The following DOCK9 variants were observed in gnomAD, a reference collection of about 807,000 sequenced individuals.
DOCK9 encodes dedicator of cytokinesis 9.
Under a neutral mutation model 263.3 loss-of-function variants are expected in DOCK9, and 89 were observed. The observed-to-expected ratio is 0.34, with a 90% CI of 0.28 to 0.40. The LOEUF (loss-of-function observed/expected upper bound fraction) is 0.40. DOCK9 is among the 10% of genes least tolerant of loss of function. DOCK9 has a pLI of 1.00. For synonymous variants in DOCK9, 976 were observed against 973.1 expected, an observed-to-expected ratio of 1.00 and a Z score of -0.06; for missense variants, 2,140 against 2,603.4, an observed-to-expected ratio of 0.82 and a Z score of 3.87.
intron 3 of DOCK9, 117 bp downstream of exon 3, chr13:98,930,051 T>C: frequency 1.1e-6 from 1 of 893,012 alleles, no homozygotes; most frequent in South Asian, 1.6e-5. Context: ...TGAACTTCCA[T>C]CATAGAAATA....
intron 15 of DOCK9, among the ~76,000 whole-genome samples, chr13:98,894,957 CAAAAAAA>C (rs71114557): frequency 3.8e-4 from 28 of 73,386 alleles, no homozygotes; most frequent in East Asian, 1.0e-3. Context: ...TACTAAAATA[CAAAAAAA>C]AAAAAAAAAA....
At position 98,884,982 on chromosome 13, in the gene DOCK9, C is replaced by T; in HGVS notation, c.2371G>A (p.Gly791Arg). The T allele has an allele frequency of 1.2e-6, 2 of 1,613,456 alleles. No individual in the cohort carries two copies. Among genetic ancestry groups the T allele is most frequent in the Non-Finnish European group, 1.7e-6 (2 of 1,179,676 alleles). ...PSGYLGYQELGMGRHYGPEIK... is the reference protein window; with the variant it reads ...PSGYLGYQELRMGRHYGPEIK... ...AAAATGGGACATACCCTGCCCATCCCAAGCTCCTGGTAGCCAAGATAGCCC... is the reference window on the plus strand; with the variant it reads ...AAAATGGGACATACCCTGCCCATCCTAAGCTCCTGGTAGCCAAGATAGCCC... Residue 791 changes from glycine (G) to arginine (R), a missense_variant, in exon 21 of 53, where the codon GGG (glycine) becomes AGG (arginine). By Grantham distance (125) the Gly-to-Arg change is moderately radical (BLOSUM62 -2). This residue lies in a region of DOCK9 where 1,521 missense variants were observed against 1,741.7 expected (regional missense o/e 0.87). Coordinates refer to ENST00000682017, the MANE Select transcript of DOCK9 (RefSeq NM_001366683.2).
intron 1 of DOCK9, among the ~76,000 whole-genome samples, chr13:98,997,290 A>C (rs1273265421): frequency 6.6e-6 from 1 of 152,248 alleles, no homozygotes; most frequent in African/African-American, 2.4e-5. Flanking sequence ...CTGGTTATTC[A>C]GGCAGGGTTC....
intron 1 of DOCK9, among the ~76,000 whole-genome samples, chr13:98,984,935 A>G (rs909202740): frequency 1.3e-5 from 2 of 152,200 alleles, no homozygotes; most frequent in African/African-American, 4.8e-5. Flanking sequence ...GAAAAACACA[A>G]AGACAAAAAA....
At chr13:98,843,715 T>C (rs563801582) in intron 38 of DOCK9, among the ~76,000 whole-genome samples, 4 of 152,146 alleles carry the variant, frequency 2.6e-5, no homozygotes, top group East Asian at 1.9e-4. Context: ...AGGGCTCTTG[T>C]GGGTAGCAGG....
At chr13:98,880,461 A>C in intron 26 of DOCK9, 86 bp downstream of exon 26, 1 of 1,563,168 alleles carries the variant, frequency 6.4e-7, no homozygotes, top group Non-Finnish European at 8.7e-7. Flanking sequence ...CTCTAAGAGC[A>C]CTCAGAAAGG....
chr13:98,864,091 T>C (rs1343258518), intron 30 of DOCK9, among the ~76,000 whole-genome samples: 1 of 152,236 alleles, frequency 6.6e-6, no homozygotes, highest in East Asian at 1.9e-4. Flanking sequence ...AACAAATTAA[T>C]ATATAACCTA....
rs1447698901 is a variant in DOCK9, at chr13:98,797,121, A to C, written c.6150T>G (p.His2050Gln). The C allele has an allele frequency of 6.2e-7, 1 of 1,614,030 alleles. No homozygotes were observed. Among genetic ancestry groups the C allele is most frequent in the South Asian group, 1.1e-5 (1 of 91,074 alleles). The change falls in exon 52 of 53, where the codon CAT becomes CAG. Residue 2050 changes from histidine (H) to glutamine (Q), a missense_variant. By Grantham distance (24) the His-to-Gln change is conservative. Around this residue, in one of 2 missense-constraint regions of DOCK9, gnomAD observed 619 missense variants for 861.8 expected, o/e 0.72. Coordinates refer to ENST00000682017, the MANE Select transcript of DOCK9 (RefSeq NM_001366683.2). ...EMAKELSEIM[H>Q]EQICPLEEKT... ...GAGCCAGTGCGGCCCTCACCTGCTC[A>C]TGCATGATTTCAGAAAGCTCCTTCG...
At chr13:98,958,915 A>G (rs2058354818) in intron 1 of DOCK9, among the ~76,000 whole-genome samples, 1 of 152,258 alleles carries the variant, frequency 6.6e-6, no homozygotes, top group Non-Finnish European at 1.5e-5. Flanking sequence ...GGCACCAAAT[A>G]ATACTTTAAT....
intron 1 of DOCK9, among the ~76,000 whole-genome samples, chr13:99,043,065 A>G (rs1319690797): frequency 1.3e-5 from 2 of 152,044 alleles, no homozygotes; most frequent in African/African-American, 4.8e-5. Flanking sequence ...ACCTAGACAC[A>G]GTCCCTTCTG....
intron 4 of DOCK9, among the ~76,000 whole-genome samples, chr13:98,924,467 C>T (rs2052596156): frequency 6.6e-6 from 1 of 152,182 alleles, no homozygotes; most frequent in Non-Finnish European, 1.5e-5. Context: ...TTTCAATTTT[C>T]CCAAAATCAA....
chr13:99,005,479 AAAAAGG>A (rs558708212), intron 1 of DOCK9, among the ~76,000 whole-genome samples: 29 of 152,304 alleles, frequency 1.9e-4, no homozygotes, highest in African/African-American at 6.7e-4. Context: ...GGAGTAGGGG[AAAAAGG>A]AAAAGGCCTT....
intron 1 of DOCK9, among the ~76,000 whole-genome samples, chr13:99,008,232 ATATTTT>A (rs746219105): frequency 4.0e-4 from 41 of 103,390 alleles, no homozygotes; most frequent in South Asian, 2.0e-3. Context: ...ATATATATAT[ATATTTT>A]TTTTTTTTTT....
Position 98,887,603 on chromosome 13 carries a change from G to A in DOCK9, c.2043+555C>T, listed in dbSNP as rs377359849. Among the ~76,000 whole-genome samples, 168 of 100,780 alleles carry A rather than the reference G, an allele frequency of 1.7e-3. 6 individuals carry two copies. In the South Asian group the frequency reaches 0.057, roughly 34 times the overall value. The allele number at this position is 100,780 out of a possible 152,430, so 66.1% of individuals were successfully genotyped here. On this transcript the variant is annotated intron_variant, in intron 18 of 52. Coordinates refer to ENST00000682017, the MANE Select transcript of DOCK9 (RefSeq NM_001366683.2). ...TGCACTCCAGCCTGGGCGACAGAGC[G>A]AGACTCCATCTCAAAAAAAAAAAAA... is the stretch of plus-strand genomic sequence containing the variant.
At chr13:99,087,365 C>T (rs1282754056), upstream of DOCK9, among the ~76,000 whole-genome samples, 1 of 152,210 alleles carries the variant, frequency 6.6e-6, no homozygotes, top group Non-Finnish European at 1.5e-5. Context: ...TCGGTTATGT[C>T]GCCTGTAACC....
intron 1 of DOCK9, among the ~76,000 whole-genome samples, chr13:98,964,933 G>A (rs1432213861): frequency 3.3e-5 from 5 of 152,204 alleles, no homozygotes; most frequent in Admixed American, 2.6e-4. Flanking sequence ...ACTGGAGTCA[G>A]AGAGCAACAC....
chr13:99,053,333 C>G (rs1595993084), intron 1 of DOCK9, among the ~76,000 whole-genome samples: 1 of 152,230 alleles, frequency 6.6e-6, no homozygotes, highest in Non-Finnish European at 1.5e-5. Context: ...GAATTCTAAG[C>G]TACTATAAAT....
At chr13:98,914,863 T>C (rs2050634533) in intron 8 of DOCK9, among the ~76,000 whole-genome samples, 1 of 152,200 alleles carries the variant, frequency 6.6e-6, no homozygotes, top group African/African-American at 2.4e-5. Flanking sequence ...TCTCACCAAT[T>C]TAATCTGAGG....
intron 13 of DOCK9, among the ~76,000 whole-genome samples, chr13:98,899,581 C>T (rs192600110): frequency 2.6e-5 from 4 of 152,230 alleles, no homozygotes; most frequent in Admixed American, 6.5e-5. Context: ...CTGGGTGGGG[C>T]GACTTAGTGG....
Sources: allele counts gnomAD v4.1 joint callset (sites outside exome capture counted in the v4.1 genomes callset), GRCh38; gene constraint gnomAD v4.1.1; regional missense constraint gnomAD v4.1.1; transcripts MANE v1.5; gene names NCBI Gene and HGNC (gene_info 2026-07-23, HGNC 2026-07-21).